Variants in LHFPL3 observed in about 807,000 individuals in gnomAD.
LHFPL3 encodes LHFPL tetraspan subfamily member 3, also known as LHFPL tetraspan subfamily member 3 protein.
LHFPL3 carries 5 observed loss-of-function variants against 19.3 expected under a neutral mutation model. That is an observed-to-expected ratio of 0.26 (90% CI 0.14 to 0.54). LHFPL3 has a LOEUF of 0.54. Ranked by LOEUF, LHFPL3 falls within the 20% of genes least tolerant of loss-of-function variation. The pLI is 0.94. For synonymous variants in LHFPL3, 133 were observed against 126.2 expected (o/e 1.05, Z -0.36); for missense variants, 249 against 307.4 (o/e 0.81, Z 1.42).
intron 2 of LHFPL3, among the ~76,000 whole-genome samples, chr7:104,905,548 C>T (rs1411416212): frequency 2.0e-5 from 3 of 151,876 alleles, no homozygotes; most frequent in African/African-American, 7.3e-5. Flanking sequence ...ATGGTGAAAC[C>T]CTGTCTCTAT....
Position 104,568,554 on chromosome 7 carries a change from T to G in LHFPL3, c.446-168121T>G, listed in dbSNP as rs527370356. ...AGGTCTTGGATCATCTCACTCCCAG[T>G]CTACTGTTCTTTCCATTATCCCAGA... On this transcript the variant is annotated intron_variant, in intron 1 of 2. Transcript: ENST00000424859. 2.6e-5 allele frequency among the ~76,000 whole-genome samples: 4 copies of G among 152,326 alleles called. No homozygotes were observed. In the South Asian group the frequency reaches 8.3e-4, roughly 32 times the overall value.
At chr7:104,369,670 T>G (rs6465983) in intron 1 of LHFPL3, among the ~76,000 whole-genome samples, 1 of 152,062 alleles carries the variant, frequency 6.6e-6, no homozygotes, top group South Asian at 2.1e-4. Flanking sequence ...GTTCGTTTCT[T>G]CATATCCTTG....
chr7:104,362,069 C>G (rs1013350543), intron 1 of LHFPL3, among the ~76,000 whole-genome samples: 2 of 152,246 alleles, frequency 1.3e-5, no homozygotes, highest in Non-Finnish European at 2.9e-5. Context: ...GCTAGGTCTT[C>G]TTCTTCCCAG....
rs182951815 is a variant in LHFPL3, at chr7:104,496,483, C to T, written c.445+167259C>T. Among the ~76,000 whole-genome samples the T allele has an allele frequency of 5.6e-4, 85 of 152,080 alleles. 2 individuals carry two copies. Among genetic ancestry groups the T allele is most frequent in the Admixed American group, 5.2e-3 (80 of 15,276 alleles). On this transcript the variant is annotated intron_variant, in intron 1 of 2. Transcript: ENST00000424859. ...GATTTATAATCCTTTGGGTATATAC[C>T]CAGTAATGGGATGGCTGGGTCAAAT...
chr7:104,613,026 G>A (rs1381733391), intron 1 of LHFPL3, among the ~76,000 whole-genome samples: 2 of 152,200 alleles, frequency 1.3e-5, no homozygotes, highest in African/African-American at 4.8e-5. Context: ...CATAGCACCT[G>A]TAATGAAAGT....
chr7:104,823,075 C>T (rs901572350), intron 2 of LHFPL3, among the ~76,000 whole-genome samples: 7 of 152,122 alleles, frequency 4.6e-5, no homozygotes, highest in African/African-American at 1.4e-4. Context: ...ATATGTGATG[C>T]ATAAAAACAG....
intron 1 of LHFPL3, among the ~76,000 whole-genome samples, chr7:104,355,552 G>A (rs1406043251): frequency 1.3e-5 from 2 of 152,144 alleles, no homozygotes; most frequent in East Asian, 1.9e-4. Flanking sequence ...ACCTATTGAC[G>A]TTTTTCAAGC....
chr7:104,454,564 G>C (rs1792504419), intron 1 of LHFPL3, among the ~76,000 whole-genome samples: 1 of 152,136 alleles, frequency 6.6e-6, no homozygotes, highest in Non-Finnish European at 1.5e-5. Flanking sequence ...TCTAATTTCA[G>C]CTTTACTGTT....
chr7:104,696,581 C>T (rs1388713344), intron 1 of LHFPL3, among the ~76,000 whole-genome samples: 2 of 151,872 alleles, frequency 1.3e-5, no homozygotes. Flanking sequence ...AAATTCTTAG[C>T]TATAAGGGAA....
chr7:104,452,495 T>A (rs1792460004), intron 1 of LHFPL3, among the ~76,000 whole-genome samples: 1 of 152,214 alleles, frequency 6.6e-6, no homozygotes. Context: ...ATATTTTTTA[T>A]TGCTAAAAAA....
At position 104,399,743 on chromosome 7, in the gene LHFPL3, A is replaced by G. The variant is rs111417808; in HGVS notation, c.445+70519A>G. Reference sequence around the variant, plus strand: ...CACCTCGGCCTCCCAAAGTGCTGGGATTACAGTTGTAAGCCACTGCGCCCG... The same window carrying G: ...CACCTCGGCCTCCCAAAGTGCTGGGGTTACAGTTGTAAGCCACTGCGCCCG... On this transcript the variant is annotated intron_variant, in intron 1 of 2. Coordinates refer to ENST00000424859, the MANE Select transcript of LHFPL3 (RefSeq NM_199000.3). The surrounding 1 kb of genome is among the most constrained non-coding windows in gnomAD (Gnocchi z 4.4). 0.032 allele frequency among the ~76,000 whole-genome samples: 4,790 copies of G among 148,904 alleles called. 267 individuals are homozygous for G. Among genetic ancestry groups the G allele is most frequent in the African/African-American group, 0.11 (4,537 of 40,262 alleles).
chr7:104,573,276 G>A (rs147271324), intron 1 of LHFPL3, among the ~76,000 whole-genome samples: 116 of 152,104 alleles, frequency 7.6e-4, no homozygotes, highest in African/African-American at 2.5e-3. Flanking sequence ...AGCCGGCATA[G>A]TGGCGGGCAC....
At chr7:104,788,482 A>G (rs1223270397) in intron 2 of LHFPL3, among the ~76,000 whole-genome samples, 1 of 152,184 alleles carries the variant, frequency 6.6e-6, no homozygotes, top group Non-Finnish European at 1.5e-5. Context: ...CTTTTCTGTT[A>G]CTTTTGCCCT....
chr7:104,754,667 G>A (rs193292245), intron 2 of LHFPL3, among the ~76,000 whole-genome samples: 12 of 152,286 alleles, frequency 7.9e-5, no homozygotes, highest in South Asian at 4.1e-4. Context: ...CAATAATTGC[G>A]AAAGAACCCT....
intron 1 of LHFPL3, among the ~76,000 whole-genome samples, chr7:104,495,972 AT>A (rs550228780): frequency 0.016 from 2,457 of 151,044 alleles, 34 homozygotes; most frequent in Non-Finnish European, 0.027. Context: ...AGGAACCAAG[AT>A]TTTTTTTTTA....
chr7:104,513,207 C>T (rs146165927), intron 1 of LHFPL3, among the ~76,000 whole-genome samples: 2 of 152,100 alleles, frequency 1.3e-5, no homozygotes. Context: ...ATTGAAATAC[C>T]CAGATTACTG....
chr7:104,607,692 C>T (rs1464443928), intron 1 of LHFPL3, among the ~76,000 whole-genome samples: 1 of 152,022 alleles, frequency 6.6e-6, no homozygotes, highest in African/African-American at 2.4e-5. Flanking sequence ...AAAGAAACTA[C>T]CGTCAGAGTG....
At chr7:104,778,413 C>A (rs1317487200) in intron 2 of LHFPL3, among the ~76,000 whole-genome samples, 1 of 152,164 alleles carries the variant, frequency 6.6e-6, no homozygotes, top group Non-Finnish European at 1.5e-5. Context: ...CAGGAACACA[C>A]CAGCCACAGA....
intron 1 of LHFPL3, among the ~76,000 whole-genome samples, chr7:104,334,919 G>T (rs1392025744): frequency 6.6e-6 from 1 of 152,100 alleles, no homozygotes; most frequent in Non-Finnish European, 1.5e-5. Context: ...ACTTGTTCTA[G>T]GTTGGATTTC....
Sources: gnomAD v4.1 joint callset for allele counts (sites outside exome capture counted in the v4.1 genomes callset) on GRCh38, gnomAD v4.1.1 for gene constraint, Gnocchi (gnomAD v3.1) non-coding constraint, MANE v1.5 for transcripts, NCBI Gene and HGNC (gene_info 2026-07-23, HGNC 2026-07-21) for gene names.